Variants in CFI observed in about 807,000 individuals in gnomAD.
CFI encodes the protein complement factor I.
In CFI, 66 loss-of-function variants were observed where a neutral mutation model predicts 78.8. The ratio of observed to expected loss-of-function variants is 0.84; its 90% CI spans 0.69 to 1.03. The LOEUF (loss-of-function observed/expected upper bound fraction) is 1.03. Among genes scored for constraint, CFI ranks in the 50% least tolerant of loss-of-function variants. The probability of loss-of-function intolerance (pLI) is 0.00; values close to 1 mark genes in which losing one functional copy is unlikely to be tolerated. For missense variants in CFI, 706 were observed against 704.5 expected (o/e 1.00, Z -0.02); for synonymous variants, 250 against 232.6 (o/e 1.07, Z -0.68).
At chr4:109,746,158 T>C (rs1724387771) in intron 11 of CFI, 64 bp downstream of exon 11, 1 of 1,564,742 alleles carries the variant, frequency 6.4e-7, no homozygotes, top group Non-Finnish European at 8.8e-7. Flanking sequence ...TTAGCTCCTA[T>C]ACATTTCTAT....
chr4:109,750,554 T>G (rs1725019653), intron 8 of CFI, among the ~76,000 whole-genome samples: 1 of 152,260 alleles, frequency 6.6e-6, no homozygotes, highest in African/African-American at 2.4e-5. Flanking sequence ...TCTGTGAGCA[T>G]GCAGACGTCT....
intron 7 of CFI, among the ~76,000 whole-genome samples, chr4:109,754,678 G>A (rs1193664138): frequency 6.6e-6 from 1 of 152,106 alleles, no homozygotes; most frequent in African/African-American, 2.4e-5. Flanking sequence ...TTTGGGACAG[G>A]CATATGAGTG....
chr4:109,764,817 A>G, intron 2 of CFI, 127 bp from the exon 3 acceptor site: 3 of 836,852 alleles, frequency 3.6e-6, no homozygotes, highest in South Asian at 1.6e-5. Flanking sequence ...GATTTTAACA[A>G]GTAATAGTAA....
At chr4:109,749,712 G>A in intron 8 of CFI, 110 bp from the exon 9 acceptor site, 1 of 723,028 alleles carries the variant, frequency 1.4e-6, no homozygotes, top group Non-Finnish European at 2.5e-6. Flanking sequence ...GCCAGTACAA[G>A]ACAGGCTGGA....
intron 3 of CFI, 44 bp from the exon 4 acceptor site, chr4:109,761,736 C>A: frequency 6.6e-7 from 1 of 1,503,884 alleles, no homozygotes; most frequent in Middle Eastern, 1.7e-4. Flanking sequence ...ATAATTAGTA[C>A]TTTGCATTTA....
chr4:109,790,421 A>T (rs188895657), intron 1 of CFI, among the ~76,000 whole-genome samples: 83 of 151,850 alleles, frequency 5.5e-4, no homozygotes, highest in South Asian at 5.0e-3. Context: ...TGAGATCTTT[A>T]CTCTTTTTTA....
At position 109,748,323 on chromosome 4, in the gene CFI, G is replaced by A. The variant is rs925916676; in HGVS notation, c.1148+895C>T. Among the ~76,000 whole-genome samples the A allele has an allele frequency of 1.1e-4, 16 of 152,308 alleles. No individual in the cohort carries two copies. The East Asian group carries it at 2.5e-3, about 24-fold the overall frequency. ...TACCAGGCACTGTGTTAGGCACTGA[G>A]ATGCAGAAATGAGCAAAATCAGAAA... On this transcript the variant is annotated intron_variant, in intron 10 of 12. Transcript: ENST00000394634.
intron 1 of CFI, among the ~76,000 whole-genome samples, chr4:109,789,782 T>C (rs923043423): frequency 3.9e-5 from 6 of 152,196 alleles, no homozygotes; most frequent in South Asian, 2.1e-4. Context: ...TTGCAATTTT[T>C]CTTGTGGTAT....
At chr4:109,799,832 T>C (rs1732537737) in intron 1 of CFI, among the ~76,000 whole-genome samples, 1 of 152,230 alleles carries the variant, frequency 6.6e-6, no homozygotes, top group Non-Finnish European at 1.5e-5. Flanking sequence ...CTATTTTATG[T>C]ACTCAGATAT....
In CFI at chr4:109,753,219, T is replaced by TAA. The variant is rs1561292736; in HGVS notation, c.905-717_905-716insTT. 7.9e-4 allele frequency among the ~76,000 whole-genome samples: 4 copies of TAA among 5,032 alleles called. 1 individual carries two copies. Among genetic ancestry groups the TAA allele is most frequent in the Admixed American group, 0.018 (2 of 112 alleles). The allele number at this position is 5,032 out of a possible 152,430, so 3.3% of individuals were successfully genotyped here. ...AAATATTTATAATATATATTTATAA[T>TAA]ATATTTATAATATAAATAAATATTT... On this transcript the variant is annotated intron_variant, in intron 7 of 12. Coordinates refer to ENST00000394634, the MANE Select transcript of CFI (RefSeq NM_000204.5).
chr4:109,782,233 T>C (rs938801397), intron 1 of CFI, among the ~76,000 whole-genome samples: 1 of 152,056 alleles, frequency 6.6e-6, no homozygotes, highest in Non-Finnish European at 1.5e-5. Flanking sequence ...GGAAGTCAAA[T>C]GGTCACTTTT....
At chr4:109,783,683 C>T (rs148367892) in intron 1 of CFI, among the ~76,000 whole-genome samples, 1 of 151,656 alleles carries the variant, frequency 6.6e-6, no homozygotes, top group Non-Finnish European at 1.5e-5. Context: ...GGTATCTACT[C>T]AGAGGAAAAT....
In CFI at chr4:109,789,038, C is replaced by A. The variant is rs148102928; in HGVS notation, c.57+12877G>T. Reference sequence around the variant, plus strand: ...AGACACAGATGATATGAAAAGGATCCAAATTGAACTTCTAGGGATAAAAAC... The same window carrying A: ...AGACACAGATGATATGAAAAGGATCAAAATTGAACTTCTAGGGATAAAAAC... On this transcript the variant is annotated intron_variant, in intron 1 of 12. Coordinates refer to ENST00000394634, the MANE Select transcript of CFI (RefSeq NM_000204.5). 1.9e-3 allele frequency among the ~76,000 whole-genome samples: 288 copies of A among 151,904 alleles called. 5 individuals carry two copies. In the East Asian group the frequency reaches 0.028, roughly 15 times the overall value.
the CFI span, among the ~76,000 whole-genome samples, chr4:109,734,830 A>G: frequency 6.6e-6 from 1 of 152,168 alleles, no homozygotes; most frequent in African/African-American, 2.4e-5. Flanking sequence ...AAGAAATGCA[A>G]TTACAGTGAA....
At chr4:109,757,075 C>T (rs1479111464) in intron 7 of CFI, among the ~76,000 whole-genome samples, 2 of 151,942 alleles carry the variant, frequency 1.3e-5, no homozygotes, top group African/African-American at 4.8e-5. Flanking sequence ...GTCGCCCAGG[C>T]TGGAGTGCAG....
intron 1 of CFI, among the ~76,000 whole-genome samples, chr4:109,800,086 C>T (rs1007548359): frequency 3.9e-5 from 6 of 152,074 alleles, no homozygotes; most frequent in Admixed American, 1.3e-4. Context: ...GCCTACTCTG[C>T]CATTTCCGCT....
rs1379052920 is a variant in CFI, at chr4:109,767,833, G to A, written c.58-1009C>T. Among the ~76,000 whole-genome samples the A allele has an allele frequency of 1.8e-4, 27 of 151,984 alleles. 1 individual carries two copies. Among genetic ancestry groups the A allele is most frequent in the African/African-American group, 6.0e-4 (25 of 41,428 alleles). ...TGCTGCTATAAAGACACATGCACAC[G>A]TATGTTTATTGCGGCACTATTCACA... is the stretch of plus-strand genomic sequence containing the variant. On this transcript the variant is annotated intron_variant, in intron 1 of 12. Coordinates refer to ENST00000394634, the MANE Select transcript of CFI (RefSeq NM_000204.5).
In CFI at chr4:109,760,580, T is replaced by C; in HGVS notation, c.715A>G (p.Lys239Glu). 1 of 1,611,876 alleles carries C rather than the reference T, an allele frequency of 6.2e-7. No individual in the cohort carries two copies. Among genetic ancestry groups the C allele is most frequent in the South Asian group, 1.1e-5 (1 of 91,032 alleles). ...CVNGKYISQMKACDGINDCGD... is the reference protein window; with the variant it reads ...CVNGKYISQMEACDGINDCGD... ...CAATCATTGATACCATCACAGGCTT[T>C]CATCTGAGAAATGTATTTCCCATTC... Residue 239 changes from lysine (K) to glutamate (E), a missense_variant, in exon 5 of 13, where the codon AAA becomes GAA. Physicochemically the swap from Lys to Glu is moderately conservative, Grantham distance 56. Coordinates refer to ENST00000394634, the MANE Select transcript of CFI (RefSeq NM_000204.5).
At chr4:109,777,341 G>C (rs1246353461) in intron 1 of CFI, among the ~76,000 whole-genome samples, 2 of 152,084 alleles carry the variant, frequency 1.3e-5, no homozygotes, top group Non-Finnish European at 2.9e-5. Flanking sequence ...CCTAGTCTCG[G>C]ATAAAACAGA....
Sources: allele counts gnomAD v4.1 joint callset (sites outside exome capture counted in the v4.1 genomes callset), GRCh38; gene constraint gnomAD v4.1.1; transcripts MANE v1.5; gene names NCBI Gene and HGNC (gene_info 2026-07-23, HGNC 2026-07-21).